The following ZNF471 variants were observed in gnomAD, a reference collection of about 807,000 sequenced individuals.
ZNF471 encodes EZFIT-related protein 1.
Under a neutral mutation model 13.7 loss-of-function variants are expected in ZNF471, and 7 were observed. The observed-to-expected ratio is 0.51, with a 90% CI of 0.29 to 0.96. ZNF471 has a LOEUF of 0.96. Among genes scored for constraint, ZNF471 ranks in the 40% least tolerant of loss-of-function variants. ZNF471 has a pLI of 0.08. For missense variants in ZNF471, 663 were observed against 743.3 expected (o/e 0.89, Z 1.26); for synonymous variants, 218 against 235.6 (o/e 0.93, Z 0.68).
intron 3 of ZNF471, among the ~76,000 whole-genome samples, chr19:56,517,999 C>T (rs959160727): frequency 2.0e-5 from 3 of 152,038 alleles, no homozygotes; most frequent in Admixed American, 6.5e-5. Context: ...ATTTCTTCTT[C>T]GTTATTGCAG....
Position 56,525,580 on chromosome 19 carries a change from C to T in ZNF471, c.1513C>T (p.His505Tyr). The change falls in exon 5 of 5, where the codon CAT becomes TAT. Residue 505 changes from histidine to tyrosine, a missense_variant. Coordinates refer to ENST00000308031, the MANE Select transcript of ZNF471 (RefSeq NM_020813.4). The stretch of plus-strand genomic sequence containing the variant: ...TAGAATCAGTTCACAGCTGGCTACT[C>T]ATCAGAGAATTCATACTGGAGAGAA... ...AFRISSQLAT[H>Y]QRIHTGEKPY... The T allele has an allele frequency of 6.2e-7, 1 of 1,613,968 alleles. No individual in the cohort carries two copies.
In ZNF471 at chr19:56,525,288, G is replaced by A; in HGVS notation, c.1221G>A (p.Val407=). Residue 407 remains valine (V), a synonymous_variant, in exon 5 of 5, where the codon GTG becomes GTA. Coordinates refer to ENST00000308031, the MANE Select transcript of ZNF471 (RefSeq NM_020813.4). Reference sequence around the variant, plus strand: ...GAGAGAAACCTTACAAATGTGGTGTGTGTGGAAAAACCTTCAGCTCGGGTT... The same window carrying A: ...GAGAGAAACCTTACAAATGTGGTGTATGTGGAAAAACCTTCAGCTCGGGTT... ...HTGEKPYKCG[V]CGKTFSSGSS... is the part of the protein sequence containing the mutation. 1 of 1,611,548 alleles carries A rather than the reference G, an allele frequency of 6.2e-7. No individual in the cohort carries two copies. Among genetic ancestry groups the A allele is most frequent in the Non-Finnish European group, 8.5e-7 (1 of 1,178,392 alleles).
rs759013102 is a variant in ZNF471, at chr19:56,525,931, A to T, written c.1864A>T (p.Thr622Ser). 1 of 1,563,954 alleles carries T rather than the reference A, an allele frequency of 6.4e-7. No individual in the cohort carries two copies. The highest frequency in any genetic ancestry group is 8.6e-7 in the Non-Finnish European group (1 of 1,158,918). ...CTTAATTTGTCATCAAAGAAGTCAT[A>T]CTGGAGAAGAACCTTAAGAATGTAG... ...LSLICHQRSH[T>S]GEEP The change falls in exon 5 of 5, where the codon ACT (threonine) becomes TCT (serine). Residue 622 changes from threonine to serine, a missense_variant. By Grantham distance (58) the Thr-to-Ser change is moderately conservative. Transcript: ENST00000308031.
intron 4 of ZNF471, among the ~76,000 whole-genome samples, chr19:56,520,866 A>G (rs1163107718): frequency 1.3e-5 from 2 of 152,210 alleles, no homozygotes; most frequent in African/African-American, 2.4e-5. Flanking sequence ...TTGTAAGTGT[A>G]TTAGTCTGTT....
chr19:56,522,793 A>G lies in ZNF471; in HGVS notation c.257-1531A>G, dbSNP rs568802223. Among the ~76,000 whole-genome samples the G allele has an allele frequency of 3.3e-5, 5 of 151,164 alleles. No individual in the cohort carries two copies. Among genetic ancestry groups the G allele is most frequent in the African/African-American group, 4.9e-5 (2 of 41,090 alleles). Reference sequence around the variant, plus strand: ...TTCTTGTCACCCAGGCTGGAGTGCAATGGCACAGTCTTGGCTCACTGCAAC... The same window carrying G: ...TTCTTGTCACCCAGGCTGGAGTGCAGTGGCACAGTCTTGGCTCACTGCAAC... On this transcript the variant is annotated intron_variant, in intron 4 of 4. Coordinates refer to ENST00000308031, the MANE Select transcript of ZNF471 (RefSeq NM_020813.4). The surrounding 1 kb of genome is among the most constrained non-coding windows in gnomAD (Gnocchi z 4.1).
chr19:56,526,209 C>T lies in ZNF471; in HGVS notation c.*261C>T, dbSNP rs578074749. ...CTGGTTAGACAGTGGGTGCAGCCCA[C>T]GGAGGGTGAGCTGAAGCAGGGTGGG... On this transcript the variant is annotated 3_prime_UTR_variant, in exon 5 of 5. Coordinates refer to ENST00000308031, the MANE Select transcript of ZNF471 (RefSeq NM_020813.4). 225 of 366,690 alleles carry T rather than the reference C, an allele frequency of 6.1e-4. 1 individual carries two copies. The highest frequency in any genetic ancestry group is 4.1e-3 in the African/African-American group (201 of 48,526). 22.7% of individuals were successfully genotyped at this position (366,690 alleles called of 1,614,324 possible). A position where few individuals can be genotyped will look rare whatever the true frequency, so the allele number is the denominator to read the frequency against.
chr19:56,525,049 A>G lies in ZNF471; in HGVS notation c.982A>G (p.Ser328Gly), dbSNP rs367828381. Residue 328 changes from serine to glycine, a missense_variant, in exon 5 of 5, where the codon AGT becomes GGT. Ser to Gly is a moderately conservative substitution (Grantham distance 56). Transcript: ENST00000308031. ...YECKECGKAF[S>G]DGSSFARHQR... is the part of the protein sequence containing the mutation. ...ATGTAAAGAATGTGGCAAAGCCTTC[A>G]GTGATGGCTCGTCTTTTGCTCGACA... is the stretch of plus-strand genomic sequence containing the variant. The G allele has an allele frequency of 3.1e-6, 5 of 1,613,968 alleles. No individual in the cohort carries two copies. Among genetic ancestry groups the G allele is most frequent in the Non-Finnish European group, 8.5e-7 (1 of 1,179,944 alleles).
At chr19:56,515,993 T>A (rs188790773) in intron 2 of ZNF471, among the ~76,000 whole-genome samples, 16 of 152,366 alleles carry the variant, frequency 1.1e-4, no homozygotes, top group African/African-American at 2.9e-4. Flanking sequence ...ATATTCCTTT[T>A]ATGCTTTTGA....
chr19:56,511,754 A>G (rs1241512152), intron 2 of ZNF471, 150 bp downstream of exon 2: 6 of 648,638 alleles, frequency 9.3e-6, no homozygotes, highest in Non-Finnish European at 1.6e-5. Flanking sequence ...AACTCTAATT[A>G]CCTAATGAGT....
chr19:56,525,611 A>T lies in ZNF471; in HGVS notation c.1544A>T (p.Tyr515Phe). The T allele has an allele frequency of 1.9e-6, 3 of 1,614,200 alleles. No individual in the cohort carries two copies. The highest frequency in any genetic ancestry group is 2.5e-6 in the Non-Finnish European group (3 of 1,180,034). The part of the protein sequence containing the change: ...HQRIHTGEKP[Y>F]ECIECGNAFK... ...AGAATTCATACTGGAGAGAAGCCTT[A>T]TGAATGTATTGAATGTGGAAATGCT... The change falls in exon 5 of 5, where the codon TAT becomes TTT. Residue 515 changes from tyrosine to phenylalanine, a missense_variant. Coordinates refer to ENST00000308031, the MANE Select transcript of ZNF471 (RefSeq NM_020813.4).
rs981919566 is a variant in ZNF471 at position 56,508,249 on chromosome 19, G to T, written c.-56+329G>T. ...GGTTTCTGTGTGTGTGTGTGTGTGT[G>T]TGTGACAGACCGAGAGTCCAGTGTG... On this transcript the variant is annotated intron_variant, in intron 1 of 4. Transcript: ENST00000308031. The surrounding 1 kb of genome is among the most constrained non-coding windows in gnomAD (Gnocchi z 4.7). The T allele has an allele frequency of 2.2e-6, 2 of 897,020 alleles. No homozygotes were observed. Among genetic ancestry groups the T allele is most frequent in the African/African-American group, 3.8e-5 (2 of 52,004 alleles). 55.6% of individuals were successfully genotyped at this position (897,020 alleles called of 1,614,324 possible). A position where few individuals can be genotyped will look rare whatever the true frequency, so the allele number is the denominator to read the frequency against.
Position 56,511,535 on chromosome 19 carries a change from C to T in ZNF471, c.-37C>T, listed in dbSNP as rs371041841. On this transcript the variant is annotated 5_prime_UTR_variant, in exon 2 of 5. Coordinates refer to ENST00000308031, the MANE Select transcript of ZNF471 (RefSeq NM_020813.4). ...CCTTCAGCCTTGCCCTCCCAAGACACTGTTCTTCAAGAGAAAGACCAGAAG... is the reference window on the plus strand; with the variant it reads ...CCTTCAGCCTTGCCCTCCCAAGACATTGTTCTTCAAGAGAAAGACCAGAAG... 5 of 1,613,584 alleles carry T rather than the reference C, an allele frequency of 3.1e-6. No homozygotes were observed. In the African/African-American group the frequency reaches 6.7e-5, roughly 22 times the overall value.
intron 1 of ZNF471, among the ~76,000 whole-genome samples, 191 bp from the exon 2 acceptor site, chr19:56,511,326 A>G (rs577185856): frequency 5.9e-4 from 89 of 151,940 alleles, no homozygotes; most frequent in Non-Finnish European, 1.0e-3. Context: ...TCTTTGAAAA[A>G]GATTAAATTT....
intron 4 of ZNF471, among the ~76,000 whole-genome samples, chr19:56,519,012 C>T (rs1365501656): frequency 6.6e-6 from 1 of 152,106 alleles, no homozygotes; most frequent in East Asian, 1.9e-4. Flanking sequence ...CCCTGTTAGC[C>T]TCTTCCTGAT....
intron 1 of ZNF471, chr19:56,511,013 T>C (rs1289005322): frequency 1.0e-6 from 1 of 984,956 alleles, no homozygotes; most frequent in East Asian, 1.1e-4. Flanking sequence ...GGGTCAGGGA[T>C]GCAGTGGTGG....
Position 56,528,168 on chromosome 19 carries a change from T to C in ZNF471, c.*2220T>C, listed in dbSNP as rs1742817458. The C allele has an allele frequency of 6.6e-6, 1 of 152,214 alleles. No individual in the cohort carries two copies. Among genetic ancestry groups the C allele is most frequent in the African/African-American group, 2.4e-5 (1 of 41,456 alleles). The allele number at this position is 152,214 out of a possible 1,614,324, so 9.4% of individuals were successfully genotyped here. ...ATGAATTCTAAAACTTCATCCTCTT[T>C]TGTCCCTTTCGAGTTAACATTACAG... On this transcript the variant is annotated 3_prime_UTR_variant, in exon 5 of 5. Coordinates refer to ENST00000308031, the MANE Select transcript of ZNF471 (RefSeq NM_020813.4).
chr19:56,511,475 C>A, intron 1 of ZNF471, 42 bp from the exon 2 acceptor site: 1 of 1,433,566 alleles, frequency 7.0e-7, no homozygotes, highest in Non-Finnish European at 9.6e-7. Context: ...GGGAGTGCAG[C>A]ATCTCTGGCC....
chr19:56,511,114 A>G, intron 1 of ZNF471: 1 of 877,822 alleles, frequency 1.1e-6, no homozygotes, highest in South Asian at 5.2e-5. Context: ...TTTTTCCCAA[A>G]AACCCCATCC....
rs1600500641 is a variant in ZNF471, at chr19:56,508,231, G to C, written c.-56+311G>C. On this transcript the variant is annotated intron_variant, in intron 1 of 4. Transcript: ENST00000308031. The surrounding 1 kb of genome is among the most constrained non-coding windows in gnomAD (Gnocchi z 4.7). ...GGCTCCGTGAGAGGGTGTGGTTTCT[G>C]TGTGTGTGTGTGTGTGTGTGTGACA... 2.5e-6 allele frequency: 1 copy of C among 394,086 alleles called. No individual in the cohort carries two copies. Among genetic ancestry groups the C allele is most frequent in the Non-Finnish European group, 3.0e-6 (1 of 332,820 alleles). 24.4% of individuals were successfully genotyped at this position (394,086 alleles called of 1,614,324 possible). A position where few individuals can be genotyped will look rare whatever the true frequency, so the allele number is the denominator to read the frequency against.
Sources: gnomAD v4.1 joint callset for allele counts (sites outside exome capture counted in the v4.1 genomes callset) on GRCh38, gnomAD v4.1.1 for gene constraint, Gnocchi (gnomAD v3.1) non-coding constraint, MANE v1.5 for transcripts, NCBI Gene and HGNC (gene_info 2026-07-23, HGNC 2026-07-21) for gene names.